Variants in CNTNAP5 observed in about 807,000 individuals in gnomAD.
The protein encoded by CNTNAP5 is contactin associated protein family member 5, also known as contactin-associated protein-like 5.
A neutral mutation model predicts 150.2 loss-of-function variants in CNTNAP5; 72 were observed. That is an observed-to-expected ratio of 0.48 (90% CI 0.40 to 0.58). CNTNAP5 has a LOEUF of 0.58. Among genes scored for constraint, CNTNAP5 ranks in the 20% least tolerant of loss-of-function variants. CNTNAP5 has a pLI of 0.00. For missense variants in CNTNAP5, 1,636 were observed against 1,626.2 expected, an observed-to-expected ratio of 1.01 and a Z score of -0.10; for synonymous variants, 672 against 619.8, an observed-to-expected ratio of 1.08 and a Z score of -1.25.
At chr2:124,499,900 C>T (rs975498109) in intron 7 of CNTNAP5, among the ~76,000 whole-genome samples, 2 of 152,064 alleles carry the variant, frequency 1.3e-5, no homozygotes, top group African/African-American at 2.4e-5. Flanking sequence ...AAAATTGGCT[C>T]ACTGGACTAC....
chr2:124,907,253 A>T (rs1678556604), intron 22 of CNTNAP5, among the ~76,000 whole-genome samples: 1 of 152,058 alleles, frequency 6.6e-6, no homozygotes, highest in Admixed American at 6.6e-5. Flanking sequence ...TTAAAATTCA[A>T]ATTTCTGGTA....
At chr2:124,395,297 G>A (rs1691217866) in intron 3 of CNTNAP5, among the ~76,000 whole-genome samples, 1 of 152,142 alleles carries the variant, frequency 6.6e-6, no homozygotes, top group Non-Finnish European at 1.5e-5. Flanking sequence ...AGAAGCAACA[G>A]TGTTGAGCAG....
intron 6 of CNTNAP5, among the ~76,000 whole-genome samples, chr2:124,459,615 G>A (rs1693201542): frequency 6.6e-6 from 1 of 151,908 alleles, no homozygotes; most frequent in African/African-American, 2.4e-5. Flanking sequence ...AACTGGGCAT[G>A]GTGCACACGC....
At chr2:124,740,150 T>C (rs918511177) in intron 13 of CNTNAP5, among the ~76,000 whole-genome samples, 1 of 151,234 alleles carries the variant, frequency 6.6e-6, no homozygotes, top group Admixed American at 6.6e-5. Flanking sequence ...AATTTACATA[T>C]AATTATATAT....
intron 3 of CNTNAP5, among the ~76,000 whole-genome samples, chr2:124,367,120 C>A (rs1690394868): frequency 6.6e-6 from 1 of 152,178 alleles, no homozygotes; most frequent in South Asian, 2.1e-4. Flanking sequence ...GCAGTTAATG[C>A]TGAAGGATAA....
chr2:124,825,775 A>C (rs968457133), intron 19 of CNTNAP5, among the ~76,000 whole-genome samples: 1 of 152,140 alleles, frequency 6.6e-6, no homozygotes, highest in African/African-American at 2.4e-5. Context: ...GCTGTACTAC[A>C]CCAAGCATTC....
chr2:124,883,822 A>G (rs1225336942), intron 21 of CNTNAP5, among the ~76,000 whole-genome samples: 1 of 152,026 alleles, frequency 6.6e-6, no homozygotes, highest in Admixed American at 6.6e-5. Flanking sequence ...GTGTGCTATA[A>G]CTGTATTGTA....
chr2:124,311,731 T>A (rs891112699), intron 3 of CNTNAP5, among the ~76,000 whole-genome samples: 3 of 152,218 alleles, frequency 2.0e-5, no homozygotes, highest in Non-Finnish European at 2.9e-5. Context: ...ACAAGTCACC[T>A]GACGGTCACG....
chr2:124,357,138 C>G (rs1469088180), intron 3 of CNTNAP5, among the ~76,000 whole-genome samples: 5 of 152,024 alleles, frequency 3.3e-5, no homozygotes, highest in African/African-American at 4.8e-5. Context: ...CCTTCGCCCA[C>G]TTTTTGATGG....
chr2:124,343,832 G>A (rs1287155966), intron 3 of CNTNAP5, among the ~76,000 whole-genome samples: 1 of 152,138 alleles, frequency 6.6e-6, no homozygotes, highest in Non-Finnish European at 1.5e-5. Context: ...TCGCACTTCT[G>A]CAGGCTGGGA....
At chr2:124,706,726 G>A (rs1346789039) in intron 13 of CNTNAP5, among the ~76,000 whole-genome samples, 1 of 140,370 alleles carries the variant, frequency 7.1e-6, no homozygotes, top group Non-Finnish European at 1.5e-5. Flanking sequence ...CACCCTGAGT[G>A]ACAGAGTGAG....
At chr2:124,109,224 C>T (rs187044157) in intron 1 of CNTNAP5, among the ~76,000 whole-genome samples, 6 of 152,282 alleles carry the variant, frequency 3.9e-5, no homozygotes, top group African/African-American at 1.4e-4. Flanking sequence ...AAGGGGCACA[C>T]ACTGAGGCCT....
rs187369327 is a variant in CNTNAP5 at position 124,689,306 on chromosome 2, T to C, written c.2077+41348T>C. Among the ~76,000 whole-genome samples the C allele has an allele frequency of 1.2e-4, 18 of 152,174 alleles. No homozygotes were observed. The East Asian group carries it at 3.1e-3, about 26-fold the overall frequency. ...AAATTAACCATTATCGGGATGAAGATATTTGTAGAGGCCTAGCCCTGGGAA... is the reference window on the plus strand; with the variant it reads ...AAATTAACCATTATCGGGATGAAGACATTTGTAGAGGCCTAGCCCTGGGAA... On this transcript the variant is annotated intron_variant, in intron 13 of 23. Transcript: ENST00000682447.
intron 8 of CNTNAP5, among the ~76,000 whole-genome samples, chr2:124,508,409 G>A (rs1694463943): frequency 6.6e-6 from 1 of 152,182 alleles, no homozygotes. Context: ...AGCTGGCATT[G>A]AGCTGTTTCT....
At chr2:124,474,218 T>C (rs187490547) in intron 6 of CNTNAP5, among the ~76,000 whole-genome samples, 2 of 152,200 alleles carry the variant, frequency 1.3e-5, no homozygotes, top group African/African-American at 4.8e-5. Flanking sequence ...TCTTAATTAC[T>C]TGCTTTACAA....
intron 1 of CNTNAP5, among the ~76,000 whole-genome samples, chr2:124,065,182 A>T (rs1201930798): frequency 6.6e-6 from 1 of 152,178 alleles, no homozygotes; most frequent in Non-Finnish European, 1.5e-5. Context: ...GACACTGAGG[A>T]TAAATAAAAG....
rs761918352 is a variant in CNTNAP5 at position 124,434,638 on chromosome 2, C to T, written c.684C>T (p.His228=). Residue 228 remains histidine, a synonymous_variant, in exon 5 of 24, where the codon CAC becomes CAT. Transcript: ENST00000682447. Reference sequence around the variant, plus strand: ...ATGGAGAAGGTCAGCGTGGAGACCACATCACCTTGGAACTCCAGAAGGGGA... The same window carrying T: ...ATGGAGAAGGTCAGCGTGGAGACCATATCACCTTGGAACTCCAGAAGGGGA... The part of the protein sequence containing the change: ...LFHGEGQRGD[H]ITLELQKGRL... The T allele has an allele frequency of 6.2e-6, 10 of 1,613,674 alleles. No individual in the cohort carries two copies. The South Asian group carries it at 1.1e-4, about 18-fold the overall frequency.
At chr2:124,561,309 C>G (rs1225954457) in intron 10 of CNTNAP5, among the ~76,000 whole-genome samples, 1 of 152,130 alleles carries the variant, frequency 6.6e-6, no homozygotes, top group African/African-American at 2.4e-5. Flanking sequence ...GCTAGCCCCC[C>G]AGGATCTCCT....
intron 8 of CNTNAP5, among the ~76,000 whole-genome samples, chr2:124,522,480 A>T (rs533978439): frequency 6.6e-6 from 1 of 152,074 alleles, no homozygotes; most frequent in Non-Finnish European, 1.5e-5. Flanking sequence ...CTTTGAATAA[A>T]CACCTCCCAC....
Sources: allele counts gnomAD v4.1 joint callset (sites outside exome capture counted in the v4.1 genomes callset), GRCh38; gene constraint gnomAD v4.1.1; transcripts MANE v1.5; gene names NCBI Gene and HGNC (gene_info 2026-07-23, HGNC 2026-07-21).